Variants in GJB7 observed in about 807,000 individuals in gnomAD.
GJB7 encodes the protein gap junction beta-7 protein.
For missense variants in GJB7, 253 were observed against 256.8 expected (o/e 0.99, Z 0.10); for synonymous variants, 87 against 95.2 (o/e 0.91, Z 0.50).
intron 1 of GJB7, among the ~76,000 whole-genome samples, chr6:87,327,696 T>A: frequency 2.8e-5 from 4 of 142,960 alleles, no homozygotes; most frequent in African/African-American, 2.6e-5. Flanking sequence ...CATTTTTTCC[T>A]TCATTTCAAC....
chr6:87,321,013 G>T (rs1370558065), intron 2 of GJB7, among the ~76,000 whole-genome samples: 1 of 152,166 alleles, frequency 6.6e-6, no homozygotes, highest in East Asian at 1.9e-4. Flanking sequence ...GAGGTCAGGA[G>T]TTCGAGACCA....
chr6:87,311,298 A>G (rs979636476), intron 2 of GJB7, among the ~76,000 whole-genome samples: 1 of 152,210 alleles, frequency 6.6e-6, no homozygotes, highest in Non-Finnish European at 1.5e-5. Flanking sequence ...AATCCCAAAT[A>G]TATACATATG....
intron 2 of GJB7, among the ~76,000 whole-genome samples, chr6:87,314,836 A>G (rs575266689): frequency 1.3e-5 from 2 of 152,376 alleles, no homozygotes; most frequent in East Asian, 3.9e-4. Context: ...TGGAGCTTGC[A>G]TGGAGCTCCA....
At position 87,283,471 on chromosome 6, in the gene GJB7, C is replaced by T. The variant is rs1411983945; in HGVS notation, c.*770G>A. The T allele has an allele frequency of 6.6e-6, 1 of 152,240 alleles. No homozygotes were observed. The highest frequency in any genetic ancestry group is 1.5e-5 in the Non-Finnish European group (1 of 68,054). The allele number at this position is 152,240 out of a possible 1,614,324, so 9.4% of individuals were successfully genotyped here. On this transcript the variant is annotated 3_prime_UTR_variant, in exon 3 of 3. Transcript: ENST00000525899. ...GGGATACCTCCCAGTAATATTTCTA[C>T]TTGATTTGGAGACCACTGAAATGAT...
intron 2 of GJB7, among the ~76,000 whole-genome samples, chr6:87,296,852 T>C (rs1392269540): frequency 1.3e-5 from 2 of 152,194 alleles, no homozygotes; most frequent in East Asian, 3.8e-4. Context: ...TTTCTTGGTC[T>C]ATGATTATTT....
At chr6:87,292,879 T>C (rs1200855542) in intron 2 of GJB7, among the ~76,000 whole-genome samples, 1 of 152,218 alleles carries the variant, frequency 6.6e-6, no homozygotes, top group East Asian at 1.9e-4. Context: ...CAGAGCTCTT[T>C]CCTTCACATT....
In GJB7 at chr6:87,283,033, C is replaced by T. The variant is rs1775999748; in HGVS notation, c.*1208G>A. 6.6e-6 allele frequency: 1 copy of T among 152,078 alleles called. No homozygotes were observed. The highest frequency in any genetic ancestry group is 2.1e-4 in the South Asian group (1 of 4,816). 9.4% of individuals were successfully genotyped at this position (152,078 alleles called of 1,614,324 possible). A position where few individuals can be genotyped will look rare whatever the true frequency, so the allele number is the denominator to read the frequency against. ...GAAGAAATGTACATATGTTAAAGTA[C>T]TAAATCCAAAGAGAACATATCTGTG... is the stretch of plus-strand genomic sequence containing the variant. On this transcript the variant is annotated 3_prime_UTR_variant, in exon 3 of 3. Coordinates refer to ENST00000525899, the MANE Select transcript of GJB7 (RefSeq NM_198568.3).
intron 2 of GJB7, among the ~76,000 whole-genome samples, chr6:87,301,456 C>T (rs1776324835): frequency 6.6e-6 from 1 of 152,154 alleles, no homozygotes; most frequent in African/African-American, 2.4e-5. Flanking sequence ...TGAGATTAAA[C>T]TGTAAGGCAG....
chr6:87,297,714 C>T (rs1250087688), intron 2 of GJB7, among the ~76,000 whole-genome samples: 1 of 152,108 alleles, frequency 6.6e-6, no homozygotes, highest in South Asian at 2.1e-4. Flanking sequence ...ATTATAGAAA[C>T]ATTTCTAGGC....
Position 87,284,557 on chromosome 6 carries a change from C to T in GJB7, c.356G>A (p.Gly119Asp). 2 of 1,614,058 alleles carry T rather than the reference C, an allele frequency of 1.2e-6. No homozygotes were observed. The highest frequency in any genetic ancestry group is 1.7e-6 in the Non-Finnish European group (2 of 1,179,940). The change falls in exon 3 of 3, where the codon GGC (glycine) becomes GAC (aspartate). Residue 119 changes from glycine (G) to aspartate (D), a missense_variant. Gly to Asp is a moderately conservative substitution (Grantham distance 94). Coordinates refer to ENST00000525899, the MANE Select transcript of GJB7 (RefSeq NM_198568.3). Reference sequence around the variant, plus strand: ...GCTGATAAGATAAGCGTACCATAGGCCCCCATCCATTGTACCTGGGCTGAC... The same window carrying T: ...GCTGATAAGATAAGCGTACCATAGGTCCCCATCCATTGTACCTGGGCTGAC... Reference protein sequence around the residue: ...LYVSPGTMDGGLWYAYLISLI... With the variant: ...LYVSPGTMDGDLWYAYLISLI...
intron 2 of GJB7, among the ~76,000 whole-genome samples, chr6:87,307,885 C>T (rs1776455399): frequency 6.6e-6 from 1 of 152,106 alleles, no homozygotes; most frequent in South Asian, 2.1e-4. Flanking sequence ...GGTATATACC[C>T]AAAGGATTAT....
rs146271595 is a variant in GJB7, at chr6:87,315,546, C to T, written c.-28+7320G>A. Among the ~76,000 whole-genome samples the T allele has an allele frequency of 3.7e-4, 57 of 152,148 alleles. No individual in the cohort carries two copies. The East Asian group carries it at 7.5e-3, about 20-fold the overall frequency. On this transcript the variant is annotated intron_variant, in intron 2 of 2. Coordinates refer to ENST00000525899, the MANE Select transcript of GJB7 (RefSeq NM_198568.3). ...GTGGCTCACACCTGTAATCCCAGAACGTTGGGTGGCCAAGGCGGGTGGATC... is the reference window on the plus strand; with the variant it reads ...GTGGCTCACACCTGTAATCCCAGAATGTTGGGTGGCCAAGGCGGGTGGATC...
intron 2 of GJB7, among the ~76,000 whole-genome samples, chr6:87,317,216 T>G (rs1334375317): frequency 2.0e-5 from 2 of 97,602 alleles, no homozygotes; most frequent in African/African-American, 3.6e-5. Context: ...AAAAAAAAAT[T>G]AGCCGGGCAT....
intron 1 of GJB7, among the ~76,000 whole-genome samples, chr6:87,326,273 G>A (rs553453662): frequency 6.6e-6 from 1 of 152,088 alleles, no homozygotes; most frequent in Non-Finnish European, 1.5e-5. Context: ...TCCTTTAGTT[G>A]TGCTCTGATT....
intron 2 of GJB7, chr6:87,299,285 G>T: frequency 2.1e-6 from 1 of 480,898 alleles, no homozygotes; most frequent in South Asian, 1.6e-5. Flanking sequence ...TCTGCAAATG[G>T]AGACAAAGAA....
rs147466864 is a variant in GJB7 at position 87,293,411 on chromosome 6, A to G, written c.-27-8472T>C. 3.6e-3 allele frequency among the ~76,000 whole-genome samples: 543 copies of G among 152,322 alleles called. 2 individuals are homozygous for G. Among genetic ancestry groups the G allele is most frequent in the African/African-American group, 0.012 (514 of 41,570 alleles). On this transcript the variant is annotated intron_variant, in intron 2 of 2. Transcript: ENST00000525899. Reference sequence around the variant, plus strand: ...CTGGATAAATTACCAGATAAATCCAATAAAGCAGATATTGCTTTGTTTTCT... The same window carrying G: ...CTGGATAAATTACCAGATAAATCCAGTAAAGCAGATATTGCTTTGTTTTCT...
intron 2 of GJB7, among the ~76,000 whole-genome samples, chr6:87,295,020 A>G (rs1386263945): frequency 6.6e-6 from 1 of 152,148 alleles, no homozygotes; most frequent in Non-Finnish European, 1.5e-5. Flanking sequence ...CAGTGTTTTT[A>G]TAATGGTTAA....
At chr6:87,294,738 A>G (rs1376177707) in intron 2 of GJB7, among the ~76,000 whole-genome samples, 4 of 152,376 alleles carry the variant, frequency 2.6e-5, no homozygotes, top group East Asian at 1.9e-4. Flanking sequence ...ACTATGTCAT[A>G]GAAAGAAGGA....
chr6:87,299,628 T>G (rs1776292684), intron 2 of GJB7: 1 of 212,146 alleles, frequency 4.7e-6, no homozygotes, highest in Non-Finnish European at 9.4e-6. Context: ...GGCTAAAAGT[T>G]GGTCTTCAGA....
Sources: allele counts gnomAD v4.1 joint callset (sites outside exome capture counted in the v4.1 genomes callset), GRCh38; gene constraint gnomAD v4.1.1; transcripts MANE v1.5; gene names NCBI Gene and HGNC (gene_info 2026-07-23, HGNC 2026-07-21).